The following NEK11 variants were observed in gnomAD, a reference collection of about 807,000 sequenced individuals.
NEK11 encodes the protein NIMA related kinase 11, also known as serine/threonine-protein kinase Nek11.
A neutral mutation model predicts 80.7 loss-of-function variants in NEK11; 72 were observed. That is an observed-to-expected ratio of 0.89 (90% CI 0.74 to 1.08). The LOEUF (loss-of-function observed/expected upper bound fraction) is 1.08, where lower values mean the gene tolerates loss of function less well. Among genes scored for constraint, NEK11 ranks in the 50% least tolerant of loss-of-function variants. The pLI, the probability that NEK11 is intolerant of heterozygous loss-of-function variation, is 0.00. For missense variants in NEK11, 764 were observed against 763.6 expected, an observed-to-expected ratio of 1.00 and a Z score of -0.01; for synonymous variants, 251 against 260.7, an observed-to-expected ratio of 0.96 and a Z score of 0.36.
intron 10 of NEK11, among the ~76,000 whole-genome samples, chr3:131,161,217 A>G (rs2091529815): frequency 6.6e-6 from 1 of 152,052 alleles, no homozygotes; most frequent in Non-Finnish European, 1.5e-5. Flanking sequence ...AAAAAGGAAC[A>G]CTCATACACC....
rs142929639 is a variant in NEK11 at position 131,208,902 on chromosome 3, G to A, written c.1400-19626G>A. Among the ~76,000 whole-genome samples the A allele has an allele frequency of 3.4e-3, 513 of 152,212 alleles. 1 individual carries two copies. Among genetic ancestry groups the A allele is most frequent in the African/African-American group, 0.012 (487 of 41,536 alleles). ...GGTTTTCTAAGTATACAATCATGTC[G>A]TCTGCAAACAGGGACAATTTGACTT... On this transcript the variant is annotated intron_variant, in intron 14 of 17. Coordinates refer to ENST00000383366, the MANE Select transcript of NEK11 (RefSeq NM_024800.5).
chr3:131,193,948 T>C (rs2093901416), intron 14 of NEK11, among the ~76,000 whole-genome samples: 1 of 152,216 alleles, frequency 6.6e-6, no homozygotes, highest in African/African-American at 2.4e-5. Flanking sequence ...TTGTGTTACT[T>C]GTCAACTTTT....
intron 4 of NEK11, among the ~76,000 whole-genome samples, chr3:131,105,697 G>A (rs1246338075): frequency 6.6e-6 from 1 of 152,148 alleles, no homozygotes; most frequent in African/African-American, 2.4e-5. Flanking sequence ...AGAACAGCAT[G>A]GGGGAAACCA....
At chr3:131,283,107 G>C (rs1302469903) in intron 17 of NEK11, among the ~76,000 whole-genome samples, 1 of 152,140 alleles carries the variant, frequency 6.6e-6, no homozygotes, top group Non-Finnish European at 1.5e-5. Flanking sequence ...CATATAGCTA[G>C]TAAGTGGCAA....
At chr3:131,195,811 T>TTGAAGAA (rs942519353) in intron 14 of NEK11, among the ~76,000 whole-genome samples, 9 of 146,172 alleles carry the variant, frequency 6.2e-5, no homozygotes, top group African/African-American at 1.8e-4. Flanking sequence ...TATATATATA[T>TTGAAGAA]ATATATATAA....
rs117387806 is a variant in NEK11, at chr3:131,061,070, G to A, written c.171-19353G>A. Among the ~76,000 whole-genome samples, 1,484 of 152,206 alleles carry A rather than the reference G, an allele frequency of 9.7e-3. 55 individuals carry two copies. In the East Asian group the frequency reaches 0.11, roughly 12 times the overall value. On this transcript the variant is annotated intron_variant, in intron 3 of 17. Transcript: ENST00000383366. Reference sequence around the variant, plus strand: ...TTGTAGCAGAATCACCTACAGCTCCGAGAACTCAGCTGAAACCTGCTATAG... The same window carrying A: ...TTGTAGCAGAATCACCTACAGCTCCAAGAACTCAGCTGAAACCTGCTATAG...
chr3:131,299,264 A>G (rs552091814), intron 17 of NEK11, among the ~76,000 whole-genome samples: 1 of 152,312 alleles, frequency 6.6e-6, no homozygotes, highest in African/African-American at 2.4e-5. Flanking sequence ...GCTGAAGTAC[A>G]GTGGTGCCAT....
At chr3:131,095,911 C>A (rs1290162143) in intron 4 of NEK11, among the ~76,000 whole-genome samples, 3 of 152,088 alleles carry the variant, frequency 2.0e-5, no homozygotes, top group Non-Finnish European at 4.4e-5. Flanking sequence ...TCACTGGCAA[C>A]AGTAGTCATT....
At chr3:131,220,725 G>T (rs553318704) in intron 14 of NEK11, among the ~76,000 whole-genome samples, 9 of 152,100 alleles carry the variant, frequency 5.9e-5, no homozygotes, top group Non-Finnish European at 8.8e-5. Context: ...AGCCAGCTCC[G>T]CAAACTTTAA....
At chr3:131,182,699 T>A in intron 14 of NEK11, among the ~76,000 whole-genome samples, 1 of 152,202 alleles carries the variant, frequency 6.6e-6, no homozygotes, top group South Asian at 2.1e-4. Flanking sequence ...GCAAAGTAAA[T>A]ATTTGTAGGT....
intron 3 of NEK11, among the ~76,000 whole-genome samples, chr3:131,041,514 G>A (rs894441638): frequency 1.3e-5 from 2 of 152,116 alleles, no homozygotes; most frequent in African/African-American, 2.4e-5. Context: ...CTCTGTGTGT[G>A]TGTGTGTATG....
At chr3:131,301,694 T>A (rs1486608791) in intron 17 of NEK11, among the ~76,000 whole-genome samples, 1 of 152,218 alleles carries the variant, frequency 6.6e-6, no homozygotes, top group Non-Finnish European at 1.5e-5. Flanking sequence ...GATTTGTGTA[T>A]GTTGAACCAA....
chr3:131,241,756 TAA>T (rs1471778129), intron 15 of NEK11, among the ~76,000 whole-genome samples: 1 of 152,068 alleles, frequency 6.6e-6, no homozygotes, highest in Non-Finnish European at 1.5e-5. Flanking sequence ...CTCAAATATC[TAA>T]AAGATAGGCA....
intron 4 of NEK11, among the ~76,000 whole-genome samples, chr3:131,094,834 G>A (rs538840717): frequency 6.6e-6 from 1 of 152,188 alleles, no homozygotes; most frequent in Admixed American, 6.5e-5. Flanking sequence ...ACCAGACAGT[G>A]GTTATAAACC....
chr3:131,257,317 G>A (rs1313889385), intron 16 of NEK11, among the ~76,000 whole-genome samples: 1 of 151,968 alleles, frequency 6.6e-6, no homozygotes, highest in Non-Finnish European at 1.5e-5. Flanking sequence ...ACTGGCAGAG[G>A]CTGGTCATAT....
intron 11 of NEK11, among the ~76,000 whole-genome samples, chr3:131,163,952 G>A (rs1297348179): frequency 6.6e-6 from 1 of 152,070 alleles, no homozygotes; most frequent in Non-Finnish European, 1.5e-5. Flanking sequence ...CCAATATTTT[G>A]GTAGTTTAGG....
intron 17 of NEK11, among the ~76,000 whole-genome samples, chr3:131,324,052 A>G (rs193253452): frequency 6.6e-6 from 1 of 152,344 alleles, no homozygotes; most frequent in East Asian, 1.9e-4. Flanking sequence ...AAACATAATT[A>G]AACAGGCAAG....
intron 7 of NEK11, among the ~76,000 whole-genome samples, chr3:131,150,349 C>T (rs1553904054): frequency 1.3e-5 from 2 of 151,814 alleles, no homozygotes; most frequent in Non-Finnish European, 2.9e-5. Context: ...ATTTTGTCAT[C>T]GTGTAGATTT....
intron 17 of NEK11, among the ~76,000 whole-genome samples, chr3:131,341,753 C>T (rs1000934950): frequency 6.6e-6 from 1 of 151,978 alleles, no homozygotes; most frequent in Non-Finnish European, 1.5e-5. Flanking sequence ...TTCTTTATCT[C>T]TAATAATGCT....
Sources: gnomAD v4.1 joint callset for allele counts (sites outside exome capture counted in the v4.1 genomes callset) on GRCh38, gnomAD v4.1.1 for gene constraint, MANE v1.5 for transcripts, NCBI Gene and HGNC (gene_info 2026-07-23, HGNC 2026-07-21) for gene names.